IGF2R: variants seen among roughly 807,000 people sequenced by gnomAD.
IGF2R encodes the protein insulin like growth factor 2 receptor.
In IGF2R, 91 loss-of-function variants were observed where a neutral mutation model predicts 270.6. The ratio of observed to expected loss-of-function variants is 0.34; its 90% CI spans 0.28 to 0.40. The LOEUF is 0.40. Ranked by LOEUF, IGF2R falls within the 10% of genes least tolerant of loss-of-function variation. The pLI is 1.00. For missense variants in IGF2R, 2,805 were observed against 3,188.3 expected, an observed-to-expected ratio of 0.88 and a Z score of 2.90; for synonymous variants, 1,316 against 1,258.9, an observed-to-expected ratio of 1.05 and a Z score of -0.96.
At chr6:160,065,810 G>GTATATATATA (rs1280903899) in intron 29 of IGF2R, among the ~76,000 whole-genome samples, 12 of 72,972 alleles carry the variant, frequency 1.6e-4, no homozygotes, top group African/African-American at 4.2e-4. Context: ...GTGTGTGTGT[G>GTATATATATA]TGTGTATATA....
At chr6:160,032,885 C>A in intron 8 of IGF2R, 57 bp from the exon 9 acceptor site, 1 of 1,443,206 alleles carries the variant, frequency 6.9e-7, no homozygotes, top group Non-Finnish European at 9.6e-7. Context: ...AGACTGTAAT[C>A]TTCTAATACC....
intron 39 of IGF2R, among the ~76,000 whole-genome samples, chr6:160,083,589 T>G (rs970186751): frequency 6.6e-6 from 1 of 152,238 alleles, no homozygotes; most frequent in Non-Finnish European, 1.5e-5. Context: ...TACCGAGCTT[T>G]CCAGGGCAGA....
At position 160,040,583 on chromosome 6, in the gene IGF2R, G is replaced by T. The variant is rs762191176; in HGVS notation, c.1339G>T (p.Val447Leu). ...AGGTAACGATGGGAAAGGAACTCCT[G>T]TATTCACAGGGGAGGTTGACTGCAC... Reference protein sequence around the residue: ...TAGNDGKGTPVFTGEVDCTYF... With the variant: ...TAGNDGKGTPLFTGEVDCTYF... Residue 447 changes from valine to leucine, a missense_variant, in exon 11 of 48, where the codon GTA (valine) becomes TTA (leucine). By Grantham distance (32) the Val-to-Leu change is conservative. Transcript: ENST00000356956. 6.2e-7 allele frequency: 1 copy of T among 1,614,178 alleles called. No homozygotes were observed. Among genetic ancestry groups the T allele is most frequent in the Non-Finnish European group, 8.5e-7 (1 of 1,180,010 alleles).
intron 29 of IGF2R, among the ~76,000 whole-genome samples, chr6:160,065,567 A>T (rs763431474): frequency 1.3e-5 from 2 of 151,988 alleles, no homozygotes; most frequent in Non-Finnish European, 2.9e-5. Context: ...TAGTAACCTT[A>T]CCTTTTCCAG....
At chr6:159,981,212 C>T (rs1245902496) in intron 1 of IGF2R, among the ~76,000 whole-genome samples, 2 of 152,172 alleles carry the variant, frequency 1.3e-5, no homozygotes. Flanking sequence ...GAGTGGCATC[C>T]TTGTCCTGAG....
chr6:160,050,730 C>A lies in IGF2R; in HGVS notation c.2694+78C>A. ...CGTTGCCTTATGTGTCTCTTAACAG[C>A]AGCAGTCTTGGGGTGGGTGGCGGAG... On this transcript the variant is annotated intron_variant, in intron 19 of 47. Transcript: ENST00000356956. This position sits in a 1 kb window ranked among gnomAD's most constrained non-coding sequence, Gnocchi z 4.0. The A allele has an allele frequency of 7.4e-7, 1 of 1,343,902 alleles. No homozygotes were observed. The highest frequency in any genetic ancestry group is 1.0e-6 in the Non-Finnish European group (1 of 984,196). 83.2% of individuals were successfully genotyped at this position (1,343,902 alleles called of 1,614,324 possible).
Position 160,089,143 on chromosome 6 carries a change from G to A in IGF2R, c.6357G>A (p.Trp2119Ter). The change falls in exon 43 of 48, where the codon TGG (tryptophan) becomes TGA (stop). Residue 2119 changes from tryptophan to a stop codon, truncating the protein, a stop_gained. Transcript: ENST00000356956. LOFTEE classifies it high-confidence loss of function. ...DIDSCTYYFS[W>*]DSRAACAVKP... is the part of the protein sequence containing the mutation. ...ACAGCTGCACTTACTACTTCAGCTG[G>A]GACTCCCGGGCTGCCTGCGCCGTGA... 1 of 1,614,042 alleles carries A rather than the reference G, an allele frequency of 6.2e-7. No individual in the cohort carries two copies. Among genetic ancestry groups the A allele is most frequent in the Non-Finnish European group, 8.5e-7 (1 of 1,179,928 alleles).
intron 44 of IGF2R, chr6:160,096,133 G>A (rs564525081): frequency 4.1e-6 from 1 of 241,220 alleles, no homozygotes; most frequent in Non-Finnish European, 7.9e-6. Context: ...TGGCTGTACA[G>A]CAGACTGTTT....
chr6:160,034,362 C>G lies in IGF2R; in HGVS notation c.1212-57C>G. 8.0e-6 allele frequency: 9 copies of G among 1,127,960 alleles called. No individual in the cohort carries two copies. The South Asian group carries it at 1.0e-4, about 13-fold the overall frequency. The allele number at this position is 1,127,960 out of a possible 1,614,324, so 69.9% of individuals were successfully genotyped here. A position where few individuals can be genotyped will look rare whatever the true frequency, so the allele number is the denominator to read the frequency against. Reference sequence around the variant, plus strand: ...CTTAATGTAGACATTTAAAAAGATTCAAGTTTTTTTCTTGGTTCTCCCAAA... The same window carrying G: ...CTTAATGTAGACATTTAAAAAGATTGAAGTTTTTTTCTTGGTTCTCCCAAA... On this transcript the variant is annotated intron_variant, in intron 9 of 47. Coordinates refer to ENST00000356956, the MANE Select transcript of IGF2R (RefSeq NM_000876.4).
chr6:160,010,163 T>C (rs1784310891), intron 3 of IGF2R, among the ~76,000 whole-genome samples: 1 of 152,232 alleles, frequency 6.6e-6, no homozygotes, highest in Admixed American at 6.5e-5. Context: ...GGCCAGTTCC[T>C]GCTGTGCTTG....
At chr6:160,056,349 T>A (rs1778316325) in intron 19 of IGF2R, 75 bp from the exon 20 acceptor site, 2 of 1,031,596 alleles carry the variant, frequency 1.9e-6, no homozygotes, top group East Asian at 4.8e-5. Context: ...TTTTTATGTC[T>A]CAGGCGAGTA....
At chr6:160,100,816 A>G (rs141788072) in intron 45 of IGF2R, among the ~76,000 whole-genome samples, 2 of 65,344 alleles carry the variant, frequency 3.1e-5, no homozygotes, top group Non-Finnish European at 5.7e-5. Context: ...TTGGAGACAG[A>G]GACTTGCTCT....
intron 19 of IGF2R, among the ~76,000 whole-genome samples, chr6:160,052,064 T>C (rs1778210629): frequency 6.6e-6 from 1 of 152,044 alleles, no homozygotes; most frequent in Non-Finnish European, 1.5e-5. Context: ...TAGCCAAGTG[T>C]GGTGATGTGC....
chr6:160,045,920 T>C, intron 14 of IGF2R, 38 bp downstream of exon 14: 1 of 1,486,388 alleles, frequency 6.7e-7, no homozygotes, highest in Non-Finnish European at 8.9e-7. Flanking sequence ...TAATGTGACT[T>C]GGAACCACTT....
intron 4 of IGF2R, among the ~76,000 whole-genome samples, chr6:160,019,655 G>T (rs889406019): frequency 6.6e-6 from 1 of 152,144 alleles, no homozygotes; most frequent in South Asian, 2.1e-4. Context: ...TGCAAGGATG[G>T]TTCAGTGTAT....
At chr6:160,051,462 G>A (rs944187727) in intron 19 of IGF2R, among the ~76,000 whole-genome samples, 9 of 152,146 alleles carry the variant, frequency 5.9e-5, no homozygotes, top group African/African-American at 1.9e-4. Flanking sequence ...GAGGGTGGAG[G>A]TAACAAGGCA....
intron 26 of IGF2R, 62 bp downstream of exon 26, chr6:160,062,681 G>A (rs1437916210): frequency 2.6e-6 from 3 of 1,171,742 alleles, no homozygotes; most frequent in East Asian, 4.8e-5. Context: ...CGTTCTGAAC[G>A]ATGCCTTAGA....
chr6:160,088,834 A>G (rs1023233475), intron 42 of IGF2R, among the ~76,000 whole-genome samples: 1 of 152,214 alleles, frequency 6.6e-6, no homozygotes, highest in Admixed American at 6.5e-5. Context: ...TGATGTGTGC[A>G]CCACAGTCAT....
intron 18 of IGF2R, 110 bp downstream of exon 18, chr6:160,048,653 A>G (rs962292954): frequency 8.9e-7 from 1 of 1,119,616 alleles, no homozygotes; most frequent in Non-Finnish European, 1.3e-6. Flanking sequence ...GCTGCTCGAG[A>G]GAAACCCTCT....
Sources: gnomAD v4.1 joint callset for allele counts (sites outside exome capture counted in the v4.1 genomes callset) on GRCh38, gnomAD v4.1.1 for gene constraint, Gnocchi (gnomAD v3.1) non-coding constraint, MANE v1.5 for transcripts, NCBI Gene and HGNC (gene_info 2026-07-23, HGNC 2026-07-21) for gene names.